Variants in CDC42BPB observed in about 807,000 individuals in gnomAD.
The protein encoded by CDC42BPB is CDC42 binding protein kinase beta, also known as serine/threonine-protein kinase MRCK beta.
In CDC42BPB, 37 loss-of-function variants were observed where a neutral mutation model predicts 214.9. That is an observed-to-expected ratio of 0.17 (90% CI 0.13 to 0.23). CDC42BPB has a LOEUF of 0.23. Ranked by LOEUF, CDC42BPB falls within the 10% of genes least tolerant of loss-of-function variation. The pLI, the probability that CDC42BPB is intolerant of heterozygous loss-of-function variation, is 1.00. For synonymous variants in CDC42BPB, 931 were observed against 884.0 expected (o/e 1.05, Z -0.94); for missense variants, 1,694 against 2,227.0 (o/e 0.76, Z 4.82).
At chr14:102,947,130 T>C (rs1892217901) in intron 27 of CDC42BPB, among the ~76,000 whole-genome samples, 1 of 152,234 alleles carries the variant, frequency 6.6e-6, no homozygotes, top group African/African-American at 2.4e-5. Flanking sequence ...TTTCCTGTAC[T>C]GTGTATGACA....
intron 30 of CDC42BPB, chr14:102,940,624 A>G (rs946227966): frequency 3.6e-5 from 19 of 532,496 alleles, no homozygotes; most frequent in East Asian, 1.7e-4. Flanking sequence ...TTTAGCTCTC[A>G]TGAGATGTGA....
intron 1 of CDC42BPB, among the ~76,000 whole-genome samples, chr14:103,044,291 A>C (rs953462799): frequency 6.6e-6 from 1 of 151,814 alleles, no homozygotes; most frequent in Non-Finnish European, 1.5e-5. Flanking sequence ...GCAGTGGTGC[A>C]ATCATAGCTC....
Position 103,057,033 on chromosome 14 carries a change from G to T in CDC42BPB, c.141C>A (p.Arg47=). ...LYTECSHSAL[R]RDKYVAEFLE... ...GGAACTCGGCCACGTACTTGTCGCG[G>T]CGCAGGGCCGAGTGGCTGCACTCGG... The change falls in exon 1 of 37, where the codon CGC becomes CGA. Residue 47 remains arginine (R), a synonymous_variant. Coordinates refer to ENST00000361246, the MANE Select transcript of CDC42BPB (RefSeq NM_006035.4). 1.3e-6 allele frequency: 2 copies of T among 1,513,006 alleles called. No homozygotes were observed. Among genetic ancestry groups the T allele is most frequent in the Non-Finnish European group, 8.8e-7 (1 of 1,135,354 alleles). 93.7% of individuals were successfully genotyped at this position (1,513,006 alleles called of 1,614,324 possible). A position where few individuals can be genotyped will look rare whatever the true frequency, so the allele number is the denominator to read the frequency against.
intron 2 of CDC42BPB, chr14:103,008,767 C>A: frequency 1.3e-6 from 1 of 787,550 alleles, no homozygotes; most frequent in African/African-American, 1.9e-5. Context: ...TCCGGAGTTT[C>A]ACTCCTGCAA....
At chr14:102,991,100 A>G (rs1894469974) in intron 5 of CDC42BPB, among the ~76,000 whole-genome samples, 1 of 152,110 alleles carries the variant, frequency 6.6e-6, no homozygotes, top group African/African-American at 2.4e-5. Context: ...GCATGGTCTT[A>G]AAAGTATCTC....
At chr14:103,041,320 C>T (rs1887980383) in intron 1 of CDC42BPB, 1 of 446,826 alleles carries the variant, frequency 2.2e-6, no homozygotes, top group Non-Finnish European at 4.0e-6. Context: ...AACTAAAAAA[C>T]TCTTAGAAGA....
chr14:103,005,929 G>C (rs1885784090), intron 3 of CDC42BPB, among the ~76,000 whole-genome samples: 1 of 148,906 alleles, frequency 6.7e-6, no homozygotes. Flanking sequence ...CTGAGGCAGA[G>C]AATCGTTTGA....
chr14:102,935,259 T>C (rs903660351), intron 36 of CDC42BPB, among the ~76,000 whole-genome samples: 3 of 151,976 alleles, frequency 2.0e-5, no homozygotes, highest in African/African-American at 7.3e-5. Context: ...AGCAAAGTTA[T>C]AGGGTATAAG....
intron 3 of CDC42BPB, among the ~76,000 whole-genome samples, chr14:103,006,897 T>C (rs1477966770): frequency 1.3e-5 from 2 of 152,194 alleles, no homozygotes; most frequent in Admixed American, 1.3e-4. Context: ...TTTAGGTAAA[T>C]ACCAAACACC....
chr14:102,940,580 G>A, intron 30 of CDC42BPB: 1 of 949,546 alleles, frequency 1.1e-6, no homozygotes, highest in Non-Finnish European at 1.5e-6. Flanking sequence ...CAGTACAGAT[G>A]TTGAAGGTGA....
At chr14:102,940,567 C>G in intron 30 of CDC42BPB, 1 of 1,068,666 alleles carries the variant, frequency 9.4e-7, no homozygotes, top group Non-Finnish European at 1.3e-6. Context: ...ATTTTGAATA[C>G]TACAGTACAG....
chr14:102,978,717 A>G (rs1428713480), intron 8 of CDC42BPB, among the ~76,000 whole-genome samples: 1 of 152,210 alleles, frequency 6.6e-6, no homozygotes, highest in African/African-American at 2.4e-5. Flanking sequence ...TAAAAACTAT[A>G]ACCAGGGGCC....
At chr14:103,010,418 G>A (rs981170676) in intron 2 of CDC42BPB, among the ~76,000 whole-genome samples, 4 of 152,254 alleles carry the variant, frequency 2.6e-5, no homozygotes, top group African/African-American at 7.2e-5. Flanking sequence ...CCTTGCAGGG[G>A]CTGCTCTCCT....
At chr14:102,939,287 A>T (rs1286477663) in intron 34 of CDC42BPB, among the ~76,000 whole-genome samples, 1 of 152,254 alleles carries the variant, frequency 6.6e-6, no homozygotes, top group Non-Finnish European at 1.5e-5. Flanking sequence ...ATCTGTTGGT[A>T]CGAAGGTGTT....
rs562106689 is a variant in CDC42BPB at position 103,029,790 on chromosome 14, C to T, written c.176-17602G>A. ...AGGAGAATTGCTTGAACCCAGGAGGCGGAGGTTGCAGTGAGCCGAGATCGC... is the reference window on the plus strand; with the variant it reads ...AGGAGAATTGCTTGAACCCAGGAGGTGGAGGTTGCAGTGAGCCGAGATCGC... On this transcript the variant is annotated intron_variant, in intron 1 of 36. Coordinates refer to ENST00000361246, the MANE Select transcript of CDC42BPB (RefSeq NM_006035.4). Among the ~76,000 whole-genome samples the T allele has an allele frequency of 1.2e-4, 15 of 126,322 alleles. No individual in the cohort carries two copies. The South Asian group carries it at 3.5e-3, about 30-fold the overall frequency. 82.9% of individuals were successfully genotyped at this position (126,322 alleles called of 152,430 possible).
intron 9 of CDC42BPB, among the ~76,000 whole-genome samples, chr14:102,976,888 T>G (rs1240923391): frequency 6.6e-6 from 1 of 152,156 alleles, no homozygotes; most frequent in Non-Finnish European, 1.5e-5. Flanking sequence ...TGGCATGTAT[T>G]AGAAAGATCA....
At chr14:102,983,313 G>A (rs574813927) in intron 7 of CDC42BPB, among the ~76,000 whole-genome samples, 2 of 152,138 alleles carry the variant, frequency 1.3e-5, no homozygotes, top group Non-Finnish European at 2.9e-5. Context: ...GTGGGGGTGG[G>A]GGTCACCCTC....
intron 1 of CDC42BPB, among the ~76,000 whole-genome samples, chr14:103,031,110 G>C (rs1004899144): frequency 4.6e-5 from 7 of 151,134 alleles, no homozygotes; most frequent in African/African-American, 1.7e-4. Flanking sequence ...ATTTTATGCT[G>C]ATATTTTTCA....
chr14:102,998,680 G>A (rs374761267), intron 5 of CDC42BPB, among the ~76,000 whole-genome samples: 1 of 152,138 alleles, frequency 6.6e-6, no homozygotes, highest in Non-Finnish European at 1.5e-5. Flanking sequence ...TGCCCCACAC[G>A]CTCTCTCAGC....
Sources: gnomAD v4.1 joint callset for allele counts (sites outside exome capture counted in the v4.1 genomes callset) on GRCh38, gnomAD v4.1.1 for gene constraint, MANE v1.5 for transcripts, NCBI Gene and HGNC (gene_info 2026-07-23, HGNC 2026-07-21) for gene names.